DACH2: variants seen among roughly 807,000 people sequenced by gnomAD.
The protein encoded by DACH2 is dachshund homolog 2.
DACH2 carries 17 observed loss-of-function variants against 35.8 expected under a neutral mutation model. The observed-to-expected ratio is 0.48, with a 90% CI of 0.33 to 0.71. DACH2 has a LOEUF of 0.71. DACH2 is among the 30% of genes least tolerant of loss of function. DACH2 has a pLI of 0.02. For missense variants in DACH2, 469 were observed against 472.7 expected (o/e 0.99, Z 0.07); for synonymous variants, 195 against 177.3 (o/e 1.10, Z -0.79).
rs181458681 is a variant in DACH2 at position 86,170,323 on chromosome X, T to A, written c.488+21215T>A. On this transcript the variant is annotated intron_variant, in intron 1 of 11. Coordinates refer to ENST00000373125, the MANE Select transcript of DACH2 (RefSeq NM_053281.3). ...CATCACAGCACTGGTTCTTACCCAA[T>A]TTCGGCTGTAACAACTCCCTGGCTA... 2.1e-4 allele frequency among the ~76,000 whole-genome samples: 23 copies of A among 111,566 alleles called. 1 individual carries two copies. The East Asian group carries it at 6.0e-3, about 29-fold the overall frequency.
intron 3 of DACH2, among the ~76,000 whole-genome samples, chrX:86,649,392 T>C (rs1285326795): frequency 1.8e-5 from 2 of 111,111 alleles, no homozygotes; most frequent in Non-Finnish European, 3.8e-5. Context: ...AACTTATTGA[T>C]ACAGTTTTGA....
intron 6 of DACH2, among the ~76,000 whole-genome samples, chrX:86,738,723 A>G (rs1043246256): frequency 8.9e-6 from 1 of 112,098 alleles, no homozygotes; most frequent in African/African-American, 3.2e-5. Context: ...CTTGAGAGCC[A>G]TAATAATTAC....
At chrX:86,706,593 G>A (rs1318475646) in intron 5 of DACH2, among the ~76,000 whole-genome samples, 6 of 108,995 alleles carry the variant, frequency 5.5e-5, no homozygotes, top group Non-Finnish European at 1.1e-4. Flanking sequence ...CACATTCTGG[G>A]CCATAAAATA....
rs2032657657 is a variant in DACH2 at position 86,219,725 on chromosome X, T to G, written c.488+70617T>G. Among the ~76,000 whole-genome samples, 3 of 111,097 alleles carry G rather than the reference T, an allele frequency of 2.7e-5. No homozygotes were observed. The South Asian group carries it at 1.1e-3, about 42-fold the overall frequency. On this transcript the variant is annotated intron_variant, in intron 1 of 11. Coordinates refer to ENST00000373125, the MANE Select transcript of DACH2 (RefSeq NM_053281.3). ...TAGTTTGCATATCTGCATATATGTA[T>G]ATAAACAGCTTTACTGAGGTATAAT... is the stretch of plus-strand genomic sequence containing the variant.
At chrX:86,274,556 G>A (rs1399269621) in intron 1 of DACH2, among the ~76,000 whole-genome samples, 1 of 92,569 alleles carries the variant, frequency 1.1e-5, no homozygotes, top group African/African-American at 4.2e-5. Flanking sequence ...GAGCAGTGGC[G>A]TGATCTCGGC....
chrX:86,330,424 G>C (rs1208251302), intron 1 of DACH2, among the ~76,000 whole-genome samples: 2 of 111,341 alleles, frequency 1.8e-5, no homozygotes, highest in Non-Finnish European at 3.8e-5. Flanking sequence ...CAGTAAATAT[G>C]AATTCAACTT....
At chrX:86,495,090 C>A (rs2038148718) in intron 2 of DACH2, among the ~76,000 whole-genome samples, 1 of 111,215 alleles carries the variant, frequency 9.0e-6, no homozygotes, top group African/African-American at 3.3e-5. Flanking sequence ...CTCTGTCACC[C>A]AGGCAGGAGT....
intron 3 of DACH2, among the ~76,000 whole-genome samples, chrX:86,599,466 TTTTCTTTCTTTCTTTC>T (rs534501331): frequency 2.1e-4 from 13 of 62,780 alleles, no homozygotes; most frequent in South Asian, 1.0e-3. Context: ...TCCTTCCTTC[TTTTCTTTCTTTCTTTC>T]TTTCTTTCTT....
chrX:86,679,616 C>CTGTGTGTGTG (rs67988965), intron 4 of DACH2, among the ~76,000 whole-genome samples: 107 of 96,283 alleles, frequency 1.1e-3, no homozygotes, highest in African/African-American at 3.8e-3. Flanking sequence ...CTCTCTGTCT[C>CTGTGTGTGTG]TGTGTGTGTG....
At chrX:86,611,410 C>T (rs1199246680) in intron 3 of DACH2, among the ~76,000 whole-genome samples, 1 of 110,562 alleles carries the variant, frequency 9.0e-6, no homozygotes, top group East Asian at 2.9e-4. Context: ...CTCCCTTATC[C>T]ACCTGGGCTG....
intron 1 of DACH2, among the ~76,000 whole-genome samples, chrX:86,256,823 T>C (rs754730508): frequency 9.0e-6 from 1 of 111,612 alleles, no homozygotes; most frequent in South Asian, 3.8e-4. Flanking sequence ...AATTTTTGTG[T>C]TTAGAGATTA....
chrX:86,577,222 G>T (rs2039446495), intron 3 of DACH2, among the ~76,000 whole-genome samples: 1 of 111,151 alleles, frequency 9.0e-6, no homozygotes, highest in Admixed American at 9.7e-5. Context: ...GTTTCTGAGT[G>T]CTTGTGTGTG....
At chrX:86,434,817 G>C (rs2037041123) in intron 2 of DACH2, among the ~76,000 whole-genome samples, 1 of 111,674 alleles carries the variant, frequency 9.0e-6, no homozygotes, top group Non-Finnish European at 1.9e-5. Context: ...CAGGAATCAT[G>C]GTGCTGACAT....
intron 3 of DACH2, among the ~76,000 whole-genome samples, chrX:86,589,862 T>C (rs2039621376): frequency 8.9e-6 from 1 of 112,081 alleles, no homozygotes; most frequent in South Asian, 3.7e-4. Context: ...TCACATCTTA[T>C]ACCTCATTTC....
chrX:86,736,287 G>A (rs930512955), intron 6 of DACH2, among the ~76,000 whole-genome samples: 1 of 111,037 alleles, frequency 9.0e-6, no homozygotes, highest in African/African-American at 3.3e-5. Flanking sequence ...AAACTTGATC[G>A]AATTTGGTAA....
intron 3 of DACH2, among the ~76,000 whole-genome samples, chrX:86,532,616 C>T: frequency 9.0e-6 from 1 of 111,056 alleles, no homozygotes; most frequent in East Asian, 2.9e-4. Flanking sequence ...TTCAATTAAA[C>T]CCCTTTTCTT....
intron 3 of DACH2, among the ~76,000 whole-genome samples, chrX:86,553,924 C>G (rs1469847766): frequency 1.8e-5 from 2 of 111,285 alleles, no homozygotes. Context: ...TGTCTGAGTA[C>G]TGAGGTCAGA....
chrX:86,579,001 T>A (rs1358114041), intron 3 of DACH2, among the ~76,000 whole-genome samples: 2 of 112,125 alleles, frequency 1.8e-5, no homozygotes, highest in Non-Finnish European at 3.8e-5. Context: ...CCCTAATTGC[T>A]AATGATGCTG....
At chrX:86,675,997 CAT>C (rs2040821755) in intron 4 of DACH2, among the ~76,000 whole-genome samples, 1 of 111,737 alleles carries the variant, frequency 8.9e-6, no homozygotes, top group African/African-American at 3.3e-5. Context: ...TATTGCTGAA[CAT>C]GTGTGTGCAC....
Sources: gnomAD v4.1 joint callset for allele counts (sites outside exome capture counted in the v4.1 genomes callset) on GRCh38, gnomAD v4.1.1 for gene constraint, MANE v1.5 for transcripts, NCBI Gene and HGNC (gene_info 2026-07-23, HGNC 2026-07-21) for gene names.